Variants in ATP6V1A observed in about 807,000 individuals in gnomAD.
ATP6V1A encodes the protein ATPase H+ transporting V1 subunit A, also known as V-type proton ATPase catalytic subunit A.
ATP6V1A carries 18 observed loss-of-function variants against 70.1 expected under a neutral mutation model. That is an observed-to-expected ratio of 0.26 (90% CI 0.18 to 0.38). ATP6V1A has a LOEUF of 0.38. Ranked by LOEUF, ATP6V1A falls within the 10% of genes least tolerant of loss-of-function variation. The probability of loss-of-function intolerance (pLI) is 1.00; values close to 1 mark genes in which losing one functional copy is unlikely to be tolerated. For synonymous variants in ATP6V1A, 232 were observed against 253.8 expected (o/e 0.91, Z 0.82); for missense variants, 424 against 772.4 (o/e 0.55, Z 5.35).
chr3:113,782,726 C>T (rs1708993529), intron 3 of ATP6V1A, among the ~76,000 whole-genome samples: 1 of 151,386 alleles, frequency 6.6e-6, no homozygotes, highest in Admixed American at 6.6e-5. Context: ...CAGGTTTGAG[C>T]AATTCTCTGC....
At chr3:113,795,031 G>A (rs1319143090) in intron 9 of ATP6V1A, 37 bp downstream of exon 9, 1 of 1,613,368 alleles carries the variant, frequency 6.2e-7, no homozygotes, top group South Asian at 1.1e-5. Context: ...AAACAAGACT[G>A]ATGGGATTTT....
chr3:113,759,848 C>T (rs1708682822), intron 1 of ATP6V1A, among the ~76,000 whole-genome samples: 1 of 152,176 alleles, frequency 6.6e-6, no homozygotes, highest in Non-Finnish European at 1.5e-5. Flanking sequence ...TTAGTAATTG[C>T]CTACTATGTG....
chr3:113,749,198 G>C (rs1002523553), intron 1 of ATP6V1A, among the ~76,000 whole-genome samples: 2 of 151,764 alleles, frequency 1.3e-5, no homozygotes, highest in African/African-American at 4.9e-5. Context: ...GATTAGTAGT[G>C]GGAATTGGTG....
intron 2 of ATP6V1A, chr3:113,780,692 C>T (rs1207486278): frequency 8.1e-7 from 1 of 1,240,204 alleles, no homozygotes; most frequent in Non-Finnish European, 1.1e-6. Flanking sequence ...ACCATTTATT[C>T]CAATTTCTAC....
intron 1 of ATP6V1A, among the ~76,000 whole-genome samples, chr3:113,766,411 C>T (rs1280807608): frequency 6.6e-6 from 1 of 152,146 alleles, no homozygotes; most frequent in Non-Finnish European, 1.5e-5. Flanking sequence ...TCCTCCACTT[C>T]AACCTCCTAA....
chr3:113,784,200 G>A, intron 3 of ATP6V1A, 24 bp from the exon 4 acceptor site: 1 of 1,600,346 alleles, frequency 6.2e-7, no homozygotes, highest in Non-Finnish European at 8.6e-7. Context: ...TTCATAGTAG[G>A]TTTTCCTTAG....
chr3:113,784,191 T>A (rs367946158), intron 3 of ATP6V1A, 33 bp from the exon 4 acceptor site: 3 of 1,572,186 alleles, frequency 1.9e-6, no homozygotes, highest in Middle Eastern at 1.7e-4. Context: ...CTTTAAACCT[T>A]CATAGTAGGT....
chr3:113,780,373 C>T (rs767981500), intron 2 of ATP6V1A, among the ~76,000 whole-genome samples: 1 of 152,158 alleles, frequency 6.6e-6, no homozygotes, highest in Non-Finnish European at 1.5e-5. Context: ...TTTTTGCTTA[C>T]TAGACCACAT....
intron 8 of ATP6V1A, 54 bp downstream of exon 8, chr3:113,789,894 T>C (rs1709073555): frequency 2.2e-6 from 3 of 1,388,940 alleles, no homozygotes; most frequent in South Asian, 2.4e-5. Context: ...AGTGTAAAGC[T>C]AGCACCAAAC....
intron 13 of ATP6V1A, among the ~76,000 whole-genome samples, chr3:113,804,258 G>A (rs1709251207): frequency 6.6e-6 from 1 of 151,746 alleles, no homozygotes; most frequent in Non-Finnish European, 1.5e-5. Context: ...CTCCCAAAGT[G>A]TTGGGACTCA....
chr3:113,763,983 T>A (rs868399075), intron 1 of ATP6V1A, among the ~76,000 whole-genome samples: 13 of 152,188 alleles, frequency 8.5e-5, no homozygotes, highest in African/African-American at 3.1e-4. Flanking sequence ...CTTACACCTG[T>A]AATCCCAGCA....
chr3:113,756,940 C>T (rs1057284734), intron 1 of ATP6V1A, among the ~76,000 whole-genome samples: 6 of 152,070 alleles, frequency 3.9e-5, no homozygotes, highest in East Asian at 1.9e-4. Flanking sequence ...GAGTCCTAGT[C>T]GTAGGTAATG....
intron 7 of ATP6V1A, 142 bp downstream of exon 7, chr3:113,789,017 A>C: frequency 1.3e-6 from 1 of 761,656 alleles, no homozygotes; most frequent in Non-Finnish European, 2.1e-6. Flanking sequence ...TTATATTTGT[A>C]ATTAATCTGT....
chr3:113,753,743 T>A (rs1275899163), intron 1 of ATP6V1A, among the ~76,000 whole-genome samples: 1 of 151,332 alleles, frequency 6.6e-6, no homozygotes, highest in East Asian at 1.9e-4. Context: ...TTACCCAGAT[T>A]GGAGTGTACT....
intron 1 of ATP6V1A, among the ~76,000 whole-genome samples, chr3:113,774,111 A>G (rs1708882369): frequency 1.3e-5 from 2 of 152,186 alleles, no homozygotes; most frequent in African/African-American, 4.8e-5. Context: ...GATAAGAACT[A>G]TCTACCCCAT....
At chr3:113,759,838 T>G (rs1181732787) in intron 1 of ATP6V1A, among the ~76,000 whole-genome samples, 1 of 152,208 alleles carries the variant, frequency 6.6e-6, no homozygotes, top group Non-Finnish European at 1.5e-5. Flanking sequence ...TGAACAATAT[T>G]TAGTAATTGC....
intron 14 of ATP6V1A, 70 bp downstream of exon 14, chr3:113,805,595 A>C (rs1709267636): frequency 8.3e-6 from 12 of 1,448,574 alleles, no homozygotes; most frequent in Non-Finnish European, 1.1e-5. Flanking sequence ...TTTTAGACAG[A>C]GTCTCACTCT....
chr3:113,794,857 T>A lies in ATP6V1A; in HGVS notation c.989-15T>A, dbSNP rs756664787. 1.3e-5 allele frequency: 21 copies of A among 1,594,016 alleles called. No homozygotes were observed. In the African/African-American group the frequency reaches 2.9e-4, roughly 22 times the overall value. ...GCTAGCATTGTAACTTATAATAATATTCTTCCCAATTTAGGAATCACACTG... is the reference window on the plus strand; with the variant it reads ...GCTAGCATTGTAACTTATAATAATAATCTTCCCAATTTAGGAATCACACTG... On this transcript the variant is annotated splice_polypyrimidine_tract_variant and intron_variant, in intron 8 of 14. Coordinates refer to ENST00000273398, the MANE Select transcript of ATP6V1A (RefSeq NM_001690.4).
At chr3:113,806,456 A>AT (rs1274906553) in intron 14 of ATP6V1A, among the ~76,000 whole-genome samples, 4 of 150,982 alleles carry the variant, frequency 2.6e-5, no homozygotes, top group African/African-American at 4.9e-5. Context: ...ACTGCAGGTC[A>AT]TTTTTTAACT....
Sources: allele counts gnomAD v4.1 joint callset (sites outside exome capture counted in the v4.1 genomes callset), GRCh38; gene constraint gnomAD v4.1.1; transcripts MANE v1.5; gene names NCBI Gene and HGNC (gene_info 2026-07-23, HGNC 2026-07-21).